ANKRD11: variants seen among roughly 807,000 people sequenced by gnomAD.
ANKRD11 encodes the protein ankyrin repeat domain 11.
In ANKRD11, 17 loss-of-function variants were observed where a neutral mutation model predicts 195.7. That is an observed-to-expected ratio of 0.09 (90% CI 0.06 to 0.13). The LOEUF (loss-of-function observed/expected upper bound fraction) is 0.13, where lower values mean the gene tolerates loss of function less well. Among genes scored for constraint, ANKRD11 ranks in the 10% least tolerant of loss-of-function variants. ANKRD11 has a pLI of 1.00. For missense variants in ANKRD11, 3,735 were observed against 3,566.1 expected, an observed-to-expected ratio of 1.05 and a Z score of -1.21; for synonymous variants, 1,953 against 1,528.1, an observed-to-expected ratio of 1.28 and a Z score of -6.49.
At position 89,290,588 on chromosome 16, in the gene ANKRD11, G is replaced by A. The variant is rs200120019; in HGVS notation, c.601+37C>T. The A allele has an allele frequency of 2.8e-3, 4,491 of 1,604,640 alleles. 14 individuals carry two copies. The highest frequency in any genetic ancestry group is 3.3e-3 in the Non-Finnish European group (3,860 of 1,177,590). ...ACTGGGGGAGGCTCAGGGCTCCAGT[G>A]GGGCTCTCTGGCCCTTGCCAGGCAC... On this transcript the variant is annotated intron_variant, in intron 6 of 12. Transcript: ENST00000301030.
At chr16:89,479,664 G>A (rs544727298) in intron 1 of ANKRD11, among the ~76,000 whole-genome samples, 3 of 150,642 alleles carry the variant, frequency 2.0e-5, no homozygotes, top group South Asian at 2.1e-4. Context: ...TTTTAAAAAG[G>A]CCAGACGCAG....
chr16:89,384,218 T>G (rs1021962226), intron 2 of ANKRD11, among the ~76,000 whole-genome samples: 4 of 152,018 alleles, frequency 2.6e-5, no homozygotes, highest in African/African-American at 9.7e-5. Flanking sequence ...AGACTCCATC[T>G]CAAAAACAAA....
chr16:89,375,533 C>G (rs1288459584), intron 2 of ANKRD11, among the ~76,000 whole-genome samples: 1 of 151,952 alleles, frequency 6.6e-6, no homozygotes, highest in Admixed American at 6.6e-5. Flanking sequence ...GATCTTGGCT[C>G]GCTGCAACCT....
At chr16:89,319,898 C>G (rs957702366) in intron 2 of ANKRD11, 2 of 152,622 alleles carry the variant, frequency 1.3e-5, no homozygotes, top group African/African-American at 4.8e-5. Context: ...AGAAGCTGCC[C>G]TGGTGATGCC....
At chr16:89,390,311 T>A (rs1007944778) in intron 2 of ANKRD11, among the ~76,000 whole-genome samples, 3 of 148,928 alleles carry the variant, frequency 2.0e-5, no homozygotes, top group Non-Finnish European at 3.0e-5. Context: ...ACACCGAGTG[T>A]GGCGTGGAGC....
intron 2 of ANKRD11, among the ~76,000 whole-genome samples, chr16:89,375,818 T>C (rs1190697293): frequency 6.6e-6 from 1 of 150,504 alleles, no homozygotes; most frequent in Non-Finnish European, 1.5e-5. Flanking sequence ...GTCTTTTTCA[T>C]TGTGTTTACT....
At chr16:89,431,864 C>T (rs1453277408) in intron 1 of ANKRD11, among the ~76,000 whole-genome samples, 1 of 152,176 alleles carries the variant, frequency 6.6e-6, no homozygotes, top group African/African-American at 2.4e-5. Context: ...CCTCACCCCA[C>T]TCCTTCCTGT....
intron 2 of ANKRD11, among the ~76,000 whole-genome samples, chr16:89,405,131 T>C (rs2041854497): frequency 6.6e-6 from 1 of 151,806 alleles, no homozygotes; most frequent in Admixed American, 6.6e-5. Context: ...GGAGGCGAGG[T>C]TGCGGTGAGT....
intron 1 of ANKRD11, among the ~76,000 whole-genome samples, chr16:89,441,033 C>T (rs544673485): frequency 1.3e-5 from 2 of 151,232 alleles, no homozygotes; most frequent in African/African-American, 4.9e-5. Context: ...GTCAGGAGAT[C>T]GAGACCATCC....
Position 89,279,753 on chromosome 16 carries a change from G to T in ANKRD11, c.6789C>A (p.Pro2263=), listed in dbSNP as rs551302848. The part of the protein sequence containing the change: ...SGDQGAEAEG[P]PAASLCAPDG... ...CAGGGGCACAGAGGGACGCGGCGGG[G>T]GGGCCTTCAGCCTCAGCCCCCTGGT... The change falls in exon 9 of 13, where the codon CCC becomes CCA. Residue 2263 remains proline (P), a synonymous_variant. Transcript: ENST00000301030. The surrounding 1 kb of genome is among the most constrained non-coding windows in gnomAD (Gnocchi z 5.6). 4.6e-6 allele frequency: 7 copies of T among 1,524,538 alleles called. No individual in the cohort carries two copies. The Admixed American group carries it at 1.4e-4, about 30-fold the overall frequency. The allele number at this position is 1,524,538 out of a possible 1,614,324, so 94.4% of individuals were successfully genotyped here.
At chr16:89,462,963 C>A (rs1198299558) in intron 1 of ANKRD11, among the ~76,000 whole-genome samples, 1 of 150,954 alleles carries the variant, frequency 6.6e-6, no homozygotes, top group African/African-American at 2.4e-5. Context: ...GGGGTCAGCC[C>A]CCCCGCCAGG....
chr16:89,463,010 G>A (rs2056748125), intron 1 of ANKRD11, among the ~76,000 whole-genome samples: 1 of 149,650 alleles, frequency 6.7e-6, no homozygotes, highest in African/African-American at 2.5e-5. Flanking sequence ...GGGGGGGTCA[G>A]CCCCCCGCCA....
intron 1 of ANKRD11, among the ~76,000 whole-genome samples, chr16:89,476,596 G>A (rs2057265894): frequency 6.6e-6 from 1 of 152,178 alleles, no homozygotes; most frequent in Non-Finnish European, 1.5e-5. Flanking sequence ...TCAGCCAGGT[G>A]GGGCTCTGCA....
intron 7 of ANKRD11, 190 bp from the exon 8 acceptor site, chr16:89,286,376 G>T: frequency 1.2e-6 from 1 of 822,042 alleles, no homozygotes; most frequent in Non-Finnish European, 1.9e-6. Context: ...GGGCGAGGCT[G>T]TGGCTCCTCT....
At chr16:89,423,814 G>C (rs533303064) in intron 1 of ANKRD11, among the ~76,000 whole-genome samples, 2 of 152,346 alleles carry the variant, frequency 1.3e-5, no homozygotes, top group East Asian at 3.9e-4. Flanking sequence ...CAGCCAGCCT[G>C]CGGATGTAAC....
At chr16:89,359,803 T>C (rs534551671) in intron 2 of ANKRD11, among the ~76,000 whole-genome samples, 1 of 152,312 alleles carries the variant, frequency 6.6e-6, no homozygotes, top group East Asian at 1.9e-4. Context: ...TGCAGAAAGA[T>C]AAGATAGTTT....
intron 2 of ANKRD11, among the ~76,000 whole-genome samples, chr16:89,319,737 T>C (rs2037187805): frequency 6.6e-6 from 1 of 152,236 alleles, no homozygotes; most frequent in Non-Finnish European, 1.5e-5. Flanking sequence ...AGCTGCCATC[T>C]AGCCCAGGCT....
At chr16:89,451,411 C>CATT (rs369396805) in intron 1 of ANKRD11, among the ~76,000 whole-genome samples, 1 of 130,198 alleles carries the variant, frequency 7.7e-6, no homozygotes, top group Non-Finnish European at 1.6e-5. Flanking sequence ...TCACAAATTA[C>CATT]TTTTTTTTTT....
In ANKRD11 at chr16:89,282,332, C is replaced by T. The variant is rs200776626; in HGVS notation, c.4210G>A (p.Val1404Ile). The T allele has an allele frequency of 3.7e-6, 6 of 1,614,172 alleles. No homozygotes were observed. The highest frequency in any genetic ancestry group is 2.2e-5 in the East Asian group (1 of 44,878). Residue 1404 changes from valine (V) to isoleucine (I), a missense_variant, in exon 9 of 13, where the codon GTT becomes ATT. Transcript: ENST00000301030. ...ATGTCAGCTTTCATGTTGTAAGAAA[C>T]TCCGTAAGCATCCGCCTCCAGGAAG... ...KDFLEADAYG[V>I]SYNMKADIED...
Sources: allele counts gnomAD v4.1 joint callset (sites outside exome capture counted in the v4.1 genomes callset), GRCh38; gene constraint gnomAD v4.1.1; non-coding constraint Gnocchi (gnomAD v3.1); transcripts MANE v1.5; gene names NCBI Gene and HGNC (gene_info 2026-07-23, HGNC 2026-07-21).